CGNL1: variants seen among roughly 807,000 people sequenced by gnomAD.
CGNL1 encodes the protein cingulin like 1.
CGNL1 carries 132 observed loss-of-function variants against 141.2 expected under a neutral mutation model. The observed-to-expected ratio is 0.93, with a 90% CI of 0.81 to 1.08. CGNL1 has a LOEUF of 1.08. Among genes scored for constraint, CGNL1 ranks in the 50% least tolerant of loss-of-function variants. CGNL1 has a pLI of 0.00. For missense variants in CGNL1, 1,870 were observed against 1,588.6 expected, an observed-to-expected ratio of 1.18 and a Z score of -3.01; for synonymous variants, 690 against 622.1, an observed-to-expected ratio of 1.11 and a Z score of -1.63.
chr15:57,383,631 C>CT (rs745909275), intron 1 of CGNL1, among the ~76,000 whole-genome samples: 10,806 of 37,900 alleles, frequency 0.29, 667 homozygotes, highest in Middle Eastern at 0.4. Flanking sequence ...CTTTTCTTTT[C>CT]TTTTTTTTTT....
At chr15:57,518,657 C>T (rs1414976289) in intron 10 of CGNL1, among the ~76,000 whole-genome samples, 160 bp downstream of exon 10, 2 of 152,136 alleles carry the variant, frequency 1.3e-5, no homozygotes, top group Admixed American at 6.5e-5. Flanking sequence ...TCTAGACCAG[C>T]GATTCTCAAC....
rs1043965533 is a variant in CGNL1 at position 57,438,423 on chromosome 15, C to T, written c.424C>T (p.Leu142=). ...RKDGSVKPSH[L]LNFQRHPELL... is the part of the protein sequence containing the mutation. ...AGACGGGTCTGTGAAGCCATCTCAC[C>T]TGCTGAACTTTCAGAGGCATCCAGA... Residue 142 remains leucine, a synonymous_variant, in exon 2 of 19, where the codon CTG becomes TTG. Coordinates refer to ENST00000281282, the MANE Select transcript of CGNL1 (RefSeq NM_032866.5). The T allele has an allele frequency of 1.2e-6, 2 of 1,614,184 alleles. No individual in the cohort carries two copies. Among genetic ancestry groups the T allele is most frequent in the African/African-American group, 1.3e-5 (1 of 75,052 alleles).
intron 1 of CGNL1, among the ~76,000 whole-genome samples, chr15:57,383,433 G>C (rs1342539442): frequency 6.6e-6 from 1 of 151,488 alleles, no homozygotes; most frequent in Non-Finnish European, 1.5e-5. Context: ...TGAGTAGCTG[G>C]GACTACAGGC....
intron 14 of CGNL1, among the ~76,000 whole-genome samples, chr15:57,538,320 A>G (rs917839255): frequency 6.6e-6 from 1 of 152,392 alleles, no homozygotes; most frequent in Admixed American, 6.5e-5. Context: ...CAAAGACTGA[A>G]GGAAATGGAC....
chr15:57,542,136 C>T (rs1431708119), intron 14 of CGNL1, among the ~76,000 whole-genome samples: 1 of 152,208 alleles, frequency 6.6e-6, no homozygotes, highest in Non-Finnish European at 1.5e-5. Flanking sequence ...CCAGTTCTTG[C>T]TCTCCATGGG....
intron 1 of CGNL1, among the ~76,000 whole-genome samples, chr15:57,423,717 A>T (rs2152285986): frequency 1.3e-5 from 2 of 152,184 alleles, no homozygotes; most frequent in South Asian, 4.2e-4. Context: ...ATTTCCTCGC[A>T]TCCCCCTGGT....
intron 10 of CGNL1, 129 bp from the exon 11 acceptor site, chr15:57,523,360 C>A (rs1442355951): frequency 2.6e-6 from 2 of 755,322 alleles, no homozygotes; most frequent in Admixed American, 3.0e-5. Flanking sequence ...TTATTTTGAT[C>A]TTCTTCCTCA....
intron 4 of CGNL1, among the ~76,000 whole-genome samples, chr15:57,451,029 C>T (rs1405489859): frequency 6.6e-6 from 1 of 151,762 alleles, no homozygotes; most frequent in Non-Finnish European, 1.5e-5. Context: ...GAAAAAATGA[C>T]TGTCTTTACT....
intron 1 of CGNL1, among the ~76,000 whole-genome samples, chr15:57,424,423 G>C (rs2062951079): frequency 6.6e-6 from 1 of 152,112 alleles, no homozygotes; most frequent in South Asian, 2.1e-4. Context: ...CTCCCTACCA[G>C]AGTGTGGGTT....
intron 1 of CGNL1, among the ~76,000 whole-genome samples, chr15:57,392,045 G>T (rs574478538): frequency 2.7e-5 from 4 of 150,900 alleles, no homozygotes. Context: ...TGAAAAAAAA[G>T]TCTTAATTTT....
chr15:57,480,155 T>C (rs1214322135), intron 8 of CGNL1, among the ~76,000 whole-genome samples: 7 of 148,070 alleles, frequency 4.7e-5, no homozygotes, highest in African/African-American at 1.8e-4. Context: ...GAAACTTTTA[T>C]CACCTGAGAT....
intron 7 of CGNL1, among the ~76,000 whole-genome samples, chr15:57,460,032 G>A (rs2063426210): frequency 6.6e-6 from 1 of 152,150 alleles, no homozygotes; most frequent in South Asian, 2.1e-4. Flanking sequence ...CTTGCTAAAA[G>A]AGAATAAAGA....
intron 1 of CGNL1, among the ~76,000 whole-genome samples, chr15:57,409,695 C>T (rs2152268164): frequency 6.6e-6 from 1 of 152,154 alleles, no homozygotes; most frequent in East Asian, 1.9e-4. Context: ...ATGCCATGTT[C>T]CATGTAAGTC....
intron 8 of CGNL1, among the ~76,000 whole-genome samples, chr15:57,509,172 C>A (rs932828763): frequency 3.3e-5 from 5 of 152,172 alleles, no homozygotes; most frequent in African/African-American, 9.7e-5. Context: ...AATTTCCCAG[C>A]AGATGAGCTG....
At chr15:57,405,783 T>C (rs1442949124) in intron 1 of CGNL1, among the ~76,000 whole-genome samples, 11 of 35,090 alleles carry the variant, frequency 3.1e-4, no homozygotes, top group Non-Finnish European at 7.6e-4. Flanking sequence ...TCTTTCTTTC[T>C]TTCTTTCTTT....
At chr15:57,448,541 G>A (rs2063284396) in intron 4 of CGNL1, among the ~76,000 whole-genome samples, 1 of 151,916 alleles carries the variant, frequency 6.6e-6, no homozygotes, top group African/African-American at 2.4e-5. Context: ...CCAGCTATTT[G>A]GGAGGCTGAG....
chr15:57,475,885 A>G (rs1344674260), intron 8 of CGNL1, among the ~76,000 whole-genome samples: 1 of 152,004 alleles, frequency 6.6e-6, no homozygotes, highest in Non-Finnish European at 1.5e-5. Flanking sequence ...GCCATCCTTC[A>G]TGGCTCAGGT....
intron 3 of CGNL1, among the ~76,000 whole-genome samples, 187 bp from the exon 4 acceptor site, chr15:57,442,186 A>G (rs1404314132): frequency 4.4e-5 from 3 of 67,706 alleles, no homozygotes; most frequent in Admixed American, 1.4e-4. Flanking sequence ...TTATTTGAAA[A>G]AAAAAAAAAA....
At chr15:57,544,398 G>GCC in intron 15 of CGNL1, 75 bp from the exon 16 acceptor site, 4 of 1,569,530 alleles carry the variant, frequency 2.5e-6, no homozygotes, top group Non-Finnish European at 3.5e-6. Context: ...ACCAGGTTCT[G>GCC]CCCCATATTC....
Sources: gnomAD v4.1 joint callset for allele counts (sites outside exome capture counted in the v4.1 genomes callset) on GRCh38, gnomAD v4.1.1 for gene constraint, MANE v1.5 for transcripts, NCBI Gene and HGNC (gene_info 2026-07-23, HGNC 2026-07-21) for gene names.